Variants in MED8 observed in about 807,000 individuals in gnomAD.
MED8 encodes the protein mediator of RNA polymerase II transcription subunit 8.
MED8 carries 22 observed loss-of-function variants against 34.8 expected under a neutral mutation model. That is an observed-to-expected ratio of 0.63 (90% CI 0.45 to 0.90). The LOEUF (loss-of-function observed/expected upper bound fraction) is 0.90, where lower values mean the gene tolerates loss of function less well. Among genes scored for constraint, MED8 ranks in the 40% least tolerant of loss-of-function variants. The probability of loss-of-function intolerance (pLI) is 0.00; values close to 1 mark genes in which losing one functional copy is unlikely to be tolerated. For missense variants in MED8, 260 were observed against 326.3 expected, an observed-to-expected ratio of 0.80 and a Z score of 1.57; for synonymous variants, 105 against 120.2, an observed-to-expected ratio of 0.87 and a Z score of 0.83.
chr1:43,385,337 G>A (rs1352860217), intron 6 of MED8: 30 of 526,982 alleles, frequency 5.7e-5, no homozygotes, highest in Non-Finnish European at 1.0e-4. Context: ...TCCACTCCTA[G>A]AACAGATAGC....
Position 43,386,412 on chromosome 1 carries a change from G to T in MED8, c.493+177C>A. ...TCTCAGAATTCTCTCTTCTTACTTT[G>T]CCCATTTCCTCCACTGCTTCAGTGC... On this transcript the variant is annotated intron_variant, in intron 5 of 6. Coordinates refer to ENST00000372457, the MANE Select transcript of MED8 (RefSeq NM_201542.5). This position sits in a 1 kb window ranked among gnomAD's most constrained non-coding sequence, Gnocchi z 4.9. 9.6e-7 allele frequency: 1 copy of T among 1,039,258 alleles called. No homozygotes were observed. The highest frequency in any genetic ancestry group is 1.4e-6 in the Non-Finnish European group (1 of 728,896). The allele number at this position is 1,039,258 out of a possible 1,614,324, so 64.4% of individuals were successfully genotyped here.
At position 43,388,438 on chromosome 1, in the gene MED8, T is replaced by C. The variant is rs982175082; in HGVS notation, c.7-10A>G. 11 of 1,612,702 alleles carry C rather than the reference T, an allele frequency of 6.8e-6. No individual in the cohort carries two copies. The African/African-American group carries it at 9.3e-5, about 14-fold the overall frequency. ...GCTGCTTCTCCTCTCTCTGCACCAA[T>C]AGGAACAGGTTGGTCACCCAGATAA... On this transcript the variant is annotated splice_polypyrimidine_tract_variant and intron_variant, in intron 1 of 6. Transcript: ENST00000372457.
Position 43,389,771 on chromosome 1 carries a change from G to A in MED8, c.-7C>T, listed in dbSNP as rs373524476. 41 of 1,608,118 alleles carry A rather than the reference G, an allele frequency of 2.5e-5. No homozygotes were observed. The highest frequency in any genetic ancestry group is 4.5e-5 in the East Asian group (2 of 44,194). ...ACGCAACTCTCACCTGCATTGCGGC[G>A]GCCGAGGCGGCTGCCACGATTTCAC... On this transcript the variant is annotated 5_prime_UTR_variant, in exon 1 of 7. Transcript: ENST00000372457.
At position 43,386,143 on chromosome 1, in the gene MED8, T is replaced by C. The variant is rs368095082; in HGVS notation, c.577A>G (p.Asn193Asp). ...AAVAFGKGLS[N>D]WRPSGSSGPG... The stretch of plus-strand genomic sequence containing the variant: ...CCACTGCTGCCTGAAGGTCTCCAAT[T>C]AGATAGTCCTTTCCCAAAGGCAACA... Residue 193 changes from asparagine (N) to aspartate (D), a missense_variant, in exon 6 of 7, where the codon AAT (asparagine) becomes GAT (aspartate). Physicochemically the swap from Asn to Asp is conservative, Grantham distance 23. Coordinates refer to ENST00000372457, the MANE Select transcript of MED8 (RefSeq NM_201542.5). The surrounding 1 kb of genome is among the most constrained non-coding windows in gnomAD (Gnocchi z 4.9). 2.5e-6 allele frequency: 4 copies of C among 1,613,902 alleles called. No individual in the cohort carries two copies. The African/African-American group carries it at 4.0e-5, about 16-fold the overall frequency.
chr1:43,384,415 T>G lies in MED8; in HGVS notation c.*627A>C, dbSNP rs1647651192. 1 of 1,558,654 alleles carries G rather than the reference T, an allele frequency of 6.4e-7. No individual in the cohort carries two copies. Among genetic ancestry groups the G allele is most frequent in the Non-Finnish European group, 8.7e-7 (1 of 1,153,304 alleles). On this transcript the variant is annotated 3_prime_UTR_variant, in exon 7 of 7. Coordinates refer to ENST00000372457, the MANE Select transcript of MED8 (RefSeq NM_201542.5). Reference sequence around the variant, plus strand: ...TTTGACAGGTAAAAGCCAAGTTGGCTCCTTAGAGGATGGAAAGGAGAGCAG... The same window carrying G: ...TTTGACAGGTAAAAGCCAAGTTGGCGCCTTAGAGGATGGAAAGGAGAGCAG...
chr1:43,385,285 T>C (rs1439519144), intron 6 of MED8, 179 bp from the exon 7 acceptor site: 5 of 740,486 alleles, frequency 6.8e-6, no homozygotes, highest in African/African-American at 5.3e-5. Context: ...TCCCTGAAGG[T>C]GTCCAGGAGG....
intron 2 of MED8, 68 bp from the exon 3 acceptor site, chr1:43,387,715 T>C (rs906712383): frequency 1.3e-6 from 2 of 1,572,040 alleles, no homozygotes; most frequent in South Asian, 1.1e-5. Context: ...AAAATAGTCC[T>C]AGTTCCTTCA....
intron 1 of MED8, 92 bp downstream of exon 1, chr1:43,389,667 C>A: frequency 6.5e-7 from 1 of 1,545,256 alleles, no homozygotes; most frequent in Admixed American, 1.9e-5. Flanking sequence ...CCTCTCTTCT[C>A]AGTCCCAACT....
intron 1 of MED8, 149 bp from the exon 2 acceptor site, chr1:43,388,577 GGT>G: frequency 1.5e-6 from 2 of 1,349,908 alleles, no homozygotes; most frequent in Non-Finnish European, 2.0e-6. Context: ...TTCTATCTTT[GGT>G]ATTTGGGTTA....
Position 43,389,792 on chromosome 1 carries a change from T to G in MED8, c.-28A>C, listed in dbSNP as rs769200408. On this transcript the variant is annotated 5_prime_UTR_variant, in exon 1 of 7. Transcript: ENST00000372457. ...CGGCGGCCGAGGCGGCTGCCACGAT[T>G]TCACTTCCGGTTTTCCAGTCAGCAA... is the stretch of plus-strand genomic sequence containing the variant. 1 of 1,609,654 alleles carries G rather than the reference T, an allele frequency of 6.2e-7. No homozygotes were observed. The highest frequency in any genetic ancestry group is 8.5e-7 in the Non-Finnish European group (1 of 1,178,014).
chr1:43,384,495 AAG>A lies in MED8; in HGVS notation c.*545_*546del, dbSNP rs1289261829. On this transcript the variant is annotated 3_prime_UTR_variant, in exon 7 of 7. Coordinates refer to ENST00000372457, the MANE Select transcript of MED8 (RefSeq NM_201542.5). ...CATTTTTTTTTCCTTCCTGGCCCAGAAGCTTCTTCACCTTGCGCCTTAGAGGG... is the reference window on the plus strand; with the variant it reads ...CATTTTTTTTTCCTTCCTGGCCCAGACTTCTTCACCTTGCGCCTTAGAGGG... 2.5e-6 allele frequency: 4 copies of A among 1,611,504 alleles called. No homozygotes were observed. Among genetic ancestry groups the A allele is most frequent in the Non-Finnish European group, 3.4e-6 (4 of 1,178,824 alleles).
intron 1 of MED8, chr1:43,388,913 A>G (rs1425474151): frequency 6.5e-6 from 1 of 152,988 alleles, no homozygotes; most frequent in Non-Finnish European, 1.5e-5. Context: ...CCCTCCCCCA[A>G]CCAACGACTC....
chr1:43,385,236 T>A (rs1303113364), intron 6 of MED8, 130 bp from the exon 7 acceptor site: 1 of 1,209,000 alleles, frequency 8.3e-7, no homozygotes, highest in African/African-American at 1.5e-5. Flanking sequence ...CTGACCCTGT[T>A]TGACAGAGGT....
chr1:43,389,238 C>G (rs1313562564), intron 1 of MED8: 2 of 156,836 alleles, frequency 1.3e-5, no homozygotes, highest in Non-Finnish European at 2.8e-5. Flanking sequence ...AAGAGGGATG[C>G]AAAACTGTCT....
chr1:43,386,790 G>A lies in MED8; in HGVS notation c.411+68C>T. The A allele has an allele frequency of 6.2e-7, 1 of 1,608,506 alleles. No individual in the cohort carries two copies. Among genetic ancestry groups the A allele is most frequent in the Non-Finnish European group, 8.5e-7 (1 of 1,176,698 alleles). On this transcript the variant is annotated intron_variant, in intron 4 of 6. Transcript: ENST00000372457. This position sits in a 1 kb window ranked among gnomAD's most constrained non-coding sequence, Gnocchi z 4.9. ...ACCAACTATGTATCCCTACTAGACA[G>A]GAATGGTAATGCCTAGCTTCTCATG... is the stretch of plus-strand genomic sequence containing the variant.
At chr1:43,385,474 G>A in intron 6 of MED8, 2 of 235,462 alleles carry the variant, frequency 8.5e-6, no homozygotes, top group South Asian at 1.2e-4. Flanking sequence ...TAGACAGCTT[G>A]GAGGAAATAA....
chr1:43,389,757 A>G lies in MED8; in HGVS notation c.6+2T>C, dbSNP rs1570511998. 1 of 1,608,144 alleles carries G rather than the reference A, an allele frequency of 6.2e-7. No individual in the cohort carries two copies. Among genetic ancestry groups the G allele is most frequent in the Admixed American group, 1.7e-5 (1 of 59,382 alleles). ...CGCTAGTACGCCCAACGCAACTCTC[A>G]CCTGCATTGCGGCGGCCGAGGCGGC... On this transcript the variant is annotated splice_donor_variant, in intron 1 of 6. Coordinates refer to ENST00000372457, the MANE Select transcript of MED8 (RefSeq NM_201542.5). LOFTEE classifies it high-confidence loss of function.
chr1:43,385,763 GTT>G, intron 6 of MED8: 3 of 643,476 alleles, frequency 4.7e-6, no homozygotes, highest in Non-Finnish European at 7.9e-6. Context: ...AATTGGAGCA[GTT>G]TCTGTTACTC....
In MED8 at chr1:43,384,709, TG is replaced by T; in HGVS notation, c.*332del. ...GTTCTGGATCAAGGACTGTGGAGGG[TG>T]GTGGGGAGAAGGATCTGTAGAAACT... On this transcript the variant is annotated 3_prime_UTR_variant, in exon 7 of 7. Transcript: ENST00000372457. The T allele has an allele frequency of 6.9e-7, 1 of 1,443,658 alleles. No homozygotes were observed. Among genetic ancestry groups the T allele is most frequent in the Non-Finnish European group, 9.1e-7 (1 of 1,100,364 alleles). 89.4% of individuals were successfully genotyped at this position (1,443,658 alleles called of 1,614,324 possible).
Sources: allele counts gnomAD v4.1 joint callset, GRCh38; gene constraint gnomAD v4.1.1; non-coding constraint Gnocchi (gnomAD v3.1); transcripts MANE v1.5; gene names NCBI Gene and HGNC (gene_info 2026-07-23, HGNC 2026-07-21).